Variants in PPM1L observed in about 807,000 individuals in gnomAD.
PPM1L encodes the protein protein phosphatase 1L.
Under a neutral mutation model 31.4 loss-of-function variants are expected in PPM1L, and 13 were observed. The ratio of observed to expected loss-of-function variants is 0.41; its 90% CI spans 0.27 to 0.66. The LOEUF is 0.66. Ranked by LOEUF, PPM1L falls within the 30% of genes least tolerant of loss-of-function variation. The pLI is 0.29. For missense variants in PPM1L, 326 were observed against 453.7 expected (o/e 0.72, Z 2.56); for synonymous variants, 184 against 175.4 (o/e 1.05, Z -0.39).
At chr3:161,003,144 G>A (rs1717564118) in intron 2 of PPM1L, among the ~76,000 whole-genome samples, 1 of 152,048 alleles carries the variant, frequency 6.6e-6, no homozygotes, top group South Asian at 2.1e-4. Flanking sequence ...AGATCAGATA[G>A]TTGTAGATAG....
intron 1 of PPM1L, among the ~76,000 whole-genome samples, chr3:160,777,312 C>A (rs900674666): frequency 2.6e-5 from 4 of 151,928 alleles, no homozygotes; most frequent in African/African-American, 9.7e-5. Flanking sequence ...CAGAGCAAGA[C>A]CTTATCTATA....
intron 2 of PPM1L, among the ~76,000 whole-genome samples, chr3:161,006,447 A>AACAGTTCATG (rs1717708419): frequency 6.6e-6 from 1 of 152,228 alleles, no homozygotes. Context: ...ATGTGAATAT[A>AACAGTTCATG]GTTAACACTA....
chr3:161,009,742 A>G (rs1262126224), intron 2 of PPM1L, among the ~76,000 whole-genome samples: 1 of 151,792 alleles, frequency 6.6e-6, no homozygotes, highest in Non-Finnish European at 1.5e-5. Flanking sequence ...TTTTTTTTCT[A>G]TTTAACTAGG....
chr3:161,007,056 A>G (rs945954178), intron 2 of PPM1L, among the ~76,000 whole-genome samples: 9 of 152,176 alleles, frequency 5.9e-5, no homozygotes, highest in African/African-American at 1.9e-4. Flanking sequence ...CCAGTCATTC[A>G]TTCATTTAAT....
chr3:160,901,135 T>C (rs754424760), intron 1 of PPM1L, among the ~76,000 whole-genome samples: 1 of 152,146 alleles, frequency 6.6e-6, no homozygotes, highest in Non-Finnish European at 1.5e-5. Flanking sequence ...TCTAGGTTCG[T>C]GGCTTTGCAT....
chr3:160,852,731 T>C (rs1026069010), intron 1 of PPM1L, among the ~76,000 whole-genome samples: 1 of 152,212 alleles, frequency 6.6e-6, no homozygotes, highest in African/African-American at 2.4e-5. Flanking sequence ...ACTTTTCCAA[T>C]TGTATTCTGT....
chr3:160,770,964 T>C (rs992811498), intron 1 of PPM1L, among the ~76,000 whole-genome samples: 6 of 152,100 alleles, frequency 3.9e-5, no homozygotes, highest in African/African-American at 1.4e-4. Context: ...CTAGTCAAAA[T>C]CTCTCTTGAA....
chr3:160,927,444 T>A (rs970221549), intron 1 of PPM1L, among the ~76,000 whole-genome samples: 1 of 151,832 alleles, frequency 6.6e-6, no homozygotes, highest in African/African-American at 2.4e-5. Context: ...CTACATAGCA[T>A]TTTTTTTCTT....
At chr3:160,772,129 C>T (rs909102774) in intron 1 of PPM1L, among the ~76,000 whole-genome samples, 1 of 152,136 alleles carries the variant, frequency 6.6e-6, no homozygotes. Context: ...TGAGTGTCTG[C>T]TGCTGAAGAA....
chr3:161,050,313 A>G (rs1212237755), intron 2 of PPM1L, among the ~76,000 whole-genome samples: 2 of 152,228 alleles, frequency 1.3e-5, no homozygotes, highest in South Asian at 2.1e-4. Flanking sequence ...GTAGACCATG[A>G]CAAAAGACCC....
intron 2 of PPM1L, among the ~76,000 whole-genome samples, chr3:161,049,202 G>A (rs980587442): frequency 1.3e-5 from 2 of 151,796 alleles, no homozygotes; most frequent in African/African-American, 4.8e-5. Context: ...CACTTGAGGT[G>A]AGGAGATCGA....
chr3:160,992,501 T>C (rs529157323), intron 2 of PPM1L, among the ~76,000 whole-genome samples: 3 of 152,252 alleles, frequency 2.0e-5, no homozygotes, highest in East Asian at 1.9e-4. Flanking sequence ...CAAAAAAGAA[T>C]GTGAAGTTTA....
At chr3:160,795,153 A>G (rs892262056) in intron 1 of PPM1L, among the ~76,000 whole-genome samples, 2 of 152,204 alleles carry the variant, frequency 1.3e-5, no homozygotes, top group Non-Finnish European at 2.9e-5. Context: ...AGCAGATTGT[A>G]TAATATATTG....
In PPM1L at chr3:160,922,288, T is replaced by C. The variant is rs561360755; in HGVS notation, c.400-39448T>C. 5.8e-4 allele frequency among the ~76,000 whole-genome samples: 89 copies of C among 152,216 alleles called. 1 individual carries two copies. Among genetic ancestry groups the C allele is most frequent in the South Asian group, 2.9e-3 (14 of 4,816 alleles). On this transcript the variant is annotated intron_variant, in intron 1 of 3. Transcript: ENST00000498165. ...TCACACCACTGCACTCCAGCCTGGG[T>C]GACAAAGCGAGACTCCGTCTAAAAA...
At chr3:160,772,443 C>G (rs959068633) in intron 1 of PPM1L, among the ~76,000 whole-genome samples, 1 of 152,170 alleles carries the variant, frequency 6.6e-6, no homozygotes, top group East Asian at 1.9e-4. Flanking sequence ...AAAACAGGTC[C>G]TCATTCCTTA....
At chr3:160,879,212 C>CT (rs1299725238) in intron 1 of PPM1L, among the ~76,000 whole-genome samples, 6 of 151,638 alleles carry the variant, frequency 4.0e-5, no homozygotes, top group East Asian at 1.9e-4. Flanking sequence ...GAAATGCTAC[C>CT]TTTTTTTTTC....
intron 2 of PPM1L, among the ~76,000 whole-genome samples, chr3:160,997,154 G>T: frequency 6.6e-6 from 1 of 152,090 alleles, no homozygotes; most frequent in East Asian, 1.9e-4. Context: ...TTTCTGAGGT[G>T]GTTCAAGGAG....
chr3:160,786,825 A>C (rs997236818), intron 1 of PPM1L, among the ~76,000 whole-genome samples: 14 of 152,022 alleles, frequency 9.2e-5, no homozygotes. Context: ...TTTAGCTCCT[A>C]CTTATAAGTA....
At chr3:160,826,717 G>A (rs1268741090) in intron 1 of PPM1L, among the ~76,000 whole-genome samples, 1 of 152,118 alleles carries the variant, frequency 6.6e-6, no homozygotes, top group East Asian at 1.9e-4. Context: ...AAAAGAAAAT[G>A]TACATTTACA....
Sources: allele counts gnomAD v4.1 joint callset (sites outside exome capture counted in the v4.1 genomes callset), GRCh38; gene constraint gnomAD v4.1.1; transcripts MANE v1.5; gene names NCBI Gene and HGNC (gene_info 2026-07-23, HGNC 2026-07-21).